MDGA2: variants seen among roughly 807,000 people sequenced by gnomAD.
MDGA2 encodes MAM domain-containing glycosylphosphatidylinositol anchor protein 2.
Under a neutral mutation model 117.8 loss-of-function variants are expected in MDGA2, and 40 were observed. That is an observed-to-expected ratio of 0.34 (90% CI 0.26 to 0.44). The LOEUF is 0.44. Ranked by LOEUF, MDGA2 falls within the 20% of genes least tolerant of loss-of-function variation. MDGA2 has a pLI of 1.00. For missense variants in MDGA2, 1,123 were observed against 1,250.6 expected, an observed-to-expected ratio of 0.90 and a Z score of 1.54; for synonymous variants, 452 against 439.0, an observed-to-expected ratio of 1.03 and a Z score of -0.37.
chr14:47,027,036 G>T (rs965749584), intron 8 of MDGA2, among the ~76,000 whole-genome samples: 1 of 151,956 alleles, frequency 6.6e-6, no homozygotes, highest in Non-Finnish European at 1.5e-5. Flanking sequence ...AGCCCAGCAT[G>T]GTGGCTCACA....
At chr14:47,408,086 T>C (rs1170118590) in intron 1 of MDGA2, among the ~76,000 whole-genome samples, 4 of 132,310 alleles carry the variant, frequency 3.0e-5, no homozygotes, top group Admixed American at 1.8e-4. Context: ...TGGTGGCATC[T>C]TGCTCTGTTG....
intron 1 of MDGA2, among the ~76,000 whole-genome samples, chr14:47,376,792 C>T (rs959677280): frequency 1.3e-5 from 2 of 152,006 alleles, no homozygotes; most frequent in African/African-American, 4.8e-5. Flanking sequence ...GGAACTAAGA[C>T]ACTGTAGAAA....
At chr14:47,652,723 A>T (rs1897667972) in intron 1 of MDGA2, among the ~76,000 whole-genome samples, 1 of 152,172 alleles carries the variant, frequency 6.6e-6, no homozygotes, top group African/African-American at 2.4e-5. Context: ...CTCTTTAGTA[A>T]TTTTTAAAAT....
At chr14:47,589,005 T>C (rs1287536951) in intron 1 of MDGA2, among the ~76,000 whole-genome samples, 1 of 151,814 alleles carries the variant, frequency 6.6e-6, no homozygotes, top group African/African-American at 2.4e-5. Flanking sequence ...TGATTACAAC[T>C]CTCCTGCCTT....
intron 1 of MDGA2, among the ~76,000 whole-genome samples, chr14:47,399,205 A>G (rs1398737415): frequency 6.6e-6 from 1 of 152,168 alleles, no homozygotes; most frequent in Non-Finnish European, 1.5e-5. Flanking sequence ...CATAAGAAAG[A>G]AGGAAGCATC....
At chr14:46,846,513 T>C (rs1232996146) in intron 15 of MDGA2, among the ~76,000 whole-genome samples, 1 of 152,148 alleles carries the variant, frequency 6.6e-6, no homozygotes, top group Non-Finnish European at 1.5e-5. Context: ...TTTGAATTTA[T>C]GGTGTCTATA....
intron 2 of MDGA2, among the ~76,000 whole-genome samples, chr14:47,238,207 C>G (rs1300382782): frequency 6.6e-6 from 1 of 152,188 alleles, no homozygotes; most frequent in Non-Finnish European, 1.5e-5. Context: ...TTCCCAATCA[C>G]CACATCTACT....
At chr14:47,306,387 G>A (rs559772064) in intron 1 of MDGA2, among the ~76,000 whole-genome samples, 3 of 152,290 alleles carry the variant, frequency 2.0e-5, no homozygotes, top group African/African-American at 7.2e-5. Flanking sequence ...ATTGGGGGTG[G>A]AGGGTTGTTG....
At chr14:47,046,497 T>G (rs1423488204) in intron 7 of MDGA2, among the ~76,000 whole-genome samples, 1 of 150,692 alleles carries the variant, frequency 6.6e-6, no homozygotes, top group Non-Finnish European at 1.5e-5. Context: ...ATATACCTAA[T>G]GTAAATGATG....
At chr14:47,139,744 A>G (rs1479817057) in intron 4 of MDGA2, among the ~76,000 whole-genome samples, 4 of 149,538 alleles carry the variant, frequency 2.7e-5, no homozygotes, top group African/African-American at 7.3e-5. Context: ...GTATATATGT[A>G]TATGTTTATA....
chr14:46,871,958 A>G (rs1390051107), intron 14 of MDGA2: 1 of 287,592 alleles, frequency 3.5e-6, no homozygotes, highest in Admixed American at 3.9e-5. Context: ...ACATAGCAAG[A>G]GCCTGTCTCA....
chr14:47,512,433 T>C (rs955205625), intron 1 of MDGA2, among the ~76,000 whole-genome samples: 2 of 152,216 alleles, frequency 1.3e-5, no homozygotes, highest in East Asian at 1.9e-4. Context: ...AAATCACTCA[T>C]AAAGACTCAA....
intron 8 of MDGA2, among the ~76,000 whole-genome samples, chr14:46,972,393 T>C (rs929092343): frequency 1.3e-5 from 2 of 152,156 alleles, no homozygotes; most frequent in African/African-American, 4.8e-5. Flanking sequence ...ATTGAGCCAT[T>C]TGTAGGATCT....
chr14:46,928,588 C>A (rs962222991), intron 9 of MDGA2, among the ~76,000 whole-genome samples: 1 of 152,110 alleles, frequency 6.6e-6, no homozygotes, highest in African/African-American at 2.4e-5. Flanking sequence ...TTTCACTTCT[C>A]CTATCCACTT....
At chr14:47,078,088 G>A (rs554262829) in intron 6 of MDGA2, among the ~76,000 whole-genome samples, 10 of 152,040 alleles carry the variant, frequency 6.6e-5, no homozygotes, top group African/African-American at 2.2e-4. Context: ...GTCAATTCAG[G>A]GACAGATTTT....
chr14:47,298,183 G>C (rs572603007), intron 2 of MDGA2, among the ~76,000 whole-genome samples: 5 of 152,130 alleles, frequency 3.3e-5, no homozygotes, highest in African/African-American at 4.8e-5. Context: ...AGGTCACACT[G>C]TTAGTCCTGG....
At chr14:47,231,071 C>A (rs1231314641) in intron 2 of MDGA2, among the ~76,000 whole-genome samples, 5 of 152,016 alleles carry the variant, frequency 3.3e-5, no homozygotes, top group Admixed American at 3.3e-4. Context: ...TAAACCCCAG[C>A]AGTAAATATA....
chr14:47,240,579 GA>G (rs1445431871), intron 2 of MDGA2, among the ~76,000 whole-genome samples: 1 of 151,852 alleles, frequency 6.6e-6, no homozygotes, highest in Non-Finnish European at 1.5e-5. Flanking sequence ...AATTGGAAAT[GA>G]AAAGGAACGT....
intron 3 of MDGA2, among the ~76,000 whole-genome samples, chr14:47,214,276 A>C (rs2139495382): frequency 6.6e-6 from 1 of 152,266 alleles, no homozygotes; most frequent in South Asian, 2.1e-4. Flanking sequence ...GCTTTTGATC[A>C]GAAATATTTG....
Sources: gnomAD v4.1 joint callset for allele counts (sites outside exome capture counted in the v4.1 genomes callset) on GRCh38, gnomAD v4.1.1 for gene constraint, MANE v1.5 for transcripts, NCBI Gene and HGNC (gene_info 2026-07-23, HGNC 2026-07-21) for gene names.